ZNF717: variants seen among roughly 807,000 people sequenced by gnomAD.
ZNF717 encodes the protein zinc finger protein 717, also known as krueppel-like factor X17.
A neutral mutation model predicts 13.8 loss-of-function variants in ZNF717; 9 were observed. The observed-to-expected ratio is 0.65, with a 90% CI of 0.39 to 1.14. The LOEUF is 1.14. ZNF717 is among the 50% of genes most tolerant of loss of function. The pLI, the probability that ZNF717 is intolerant of heterozygous loss-of-function variation, is 0.01. For missense variants in ZNF717, 1,040 were observed against 1,080.7 expected (o/e 0.96, Z 0.53); for synonymous variants, 327 against 364.1 (o/e 0.90, Z 1.16).
chr3:75,720,064 T>C (rs1415577964), intron 4 of ZNF717, among the ~76,000 whole-genome samples: 6 of 151,996 alleles, frequency 3.9e-5, no homozygotes, highest in African/African-American at 1.4e-4. Flanking sequence ...AGAATGTAAA[T>C]TAGTTCAGCC....
downstream of ZNF717, among the ~76,000 whole-genome samples, chr3:75,709,244 C>A (rs1220862414): frequency 6.6e-6 from 1 of 152,050 alleles, no homozygotes; most frequent in Non-Finnish European, 1.5e-5. Context: ...TAGTATTCTG[C>A]CCAACTCAGC....
rs34827303 is a variant in ZNF717, at chr3:75,778,653, T to C, written c.57+4653A>G. On this transcript the variant is annotated intron_variant, in intron 2 of 4. Transcript: ENST00000652011. Reference sequence around the variant, plus strand: ...TTGCTAAAACCAGAACCCAAAACAATGGGAGTGACGTGCTAAACCAAAAAC... The same window carrying C: ...TTGCTAAAACCAGAACCCAAAACAACGGGAGTGACGTGCTAAACCAAAAAC... Among the ~76,000 whole-genome samples, 938 of 149,834 alleles carry C rather than the reference T, an allele frequency of 6.3e-3. 10 individuals carry two copies. Among genetic ancestry groups the C allele is most frequent in the Non-Finnish European group, 0.01 (677 of 67,658 alleles).
chr3:75,717,956 T>C (rs2106852992), intron 4 of ZNF717, among the ~76,000 whole-genome samples: 1 of 152,244 alleles, frequency 6.6e-6, no homozygotes, highest in East Asian at 1.9e-4. Context: ...TCAGTGCACG[T>C]AGTTTATTTG....
At position 75,737,594 on chromosome 3, in the gene ZNF717, C is replaced by A. The variant is rs1199744004; in HGVS notation, c.2029G>T (p.Val677Leu). The part of the protein sequence containing the change: ...RTHTGKNRMD[V>L]MNVEKLFVRN... Reference sequence around the variant, plus strand: ...ACAAAAAGTTTTTCCACATTCATTACATCCATACGGTTTTTCCCCGTGTGA... The same window carrying A: ...ACAAAAAGTTTTTCCACATTCATTAAATCCATACGGTTTTTCCCCGTGTGA... Residue 677 changes from valine to leucine, a missense_variant, in exon 5 of 5, where the codon GTA (valine) becomes TTA (leucine). By Grantham distance (32) the Val-to-Leu change is conservative. Around this residue, in one of 3 missense-constraint regions of ZNF717, gnomAD observed 873 missense variants for 832.8 expected, o/e 1.05. Transcript: ENST00000652011. 2.6e-6 allele frequency: 4 copies of A among 1,544,342 alleles called. No individual in the cohort carries two copies. Among genetic ancestry groups the A allele is most frequent in the Non-Finnish European group, 3.5e-6 (4 of 1,142,036 alleles).
At chr3:75,699,921 G>A (rs59077912) in intron 6 of ZNF717, among the ~76,000 whole-genome samples, 308 of 25,886 alleles carry the variant, frequency 0.012, no homozygotes, top group East Asian at 0.095. Flanking sequence ...ATCAAAATGT[G>A]TGGGAATTTA....
chr3:75,782,874 G>A lies in ZNF717; in HGVS notation c.57+432C>T, dbSNP rs80183633. ...GACCGTTTCCACTGCACAACATGCC[G>A]TGCTTTAGCAGAAGATGACCGTTTC... On this transcript the variant is annotated intron_variant, in intron 2 of 4. Coordinates refer to ENST00000652011, the MANE Select transcript of ZNF717 (RefSeq NM_001290208.3). Among the ~76,000 whole-genome samples the A allele has an allele frequency of 4.4e-4, 67 of 151,992 alleles. No homozygotes were observed. The South Asian group carries it at 1.0e-2, about 23-fold the overall frequency.
chr3:75,781,188 G>C (rs1944791559), intron 2 of ZNF717, among the ~76,000 whole-genome samples: 1 of 152,268 alleles, frequency 6.6e-6, no homozygotes, highest in East Asian at 1.9e-4. Context: ...CCTAACTTGA[G>C]AGTATGCACC....
intron 4 of ZNF717, 68 bp from the exon 5 acceptor site, chr3:75,739,413 TA>T (rs34781918): frequency 1.8e-5 from 22 of 1,199,078 alleles, no homozygotes; most frequent in South Asian, 5.3e-5. Flanking sequence ...TGTGTAAAGG[TA>T]AAAAAAATTA....
chr3:75,721,974 G>A (rs1166775377), intron 4 of ZNF717, among the ~76,000 whole-genome samples: 1 of 151,958 alleles, frequency 6.6e-6, no homozygotes, highest in Non-Finnish European at 1.5e-5. Flanking sequence ...TTTGCCGGGT[G>A]CGGTGGCTCA....
At chr3:75,729,017 T>A, downstream of ZNF717, among the ~76,000 whole-genome samples, 1 of 142,684 alleles carries the variant, frequency 7.0e-6, no homozygotes, top group Admixed American at 7.3e-5. Context: ...GGGTGAACAA[T>A]CAGATATGCA....
intron 5 of ZNF717, among the ~76,000 whole-genome samples, chr3:75,713,121 C>G (rs1319935028): frequency 6.6e-6 from 1 of 151,884 alleles, no homozygotes; most frequent in Non-Finnish European, 1.5e-5. Flanking sequence ...CCCCACCCCA[C>G]AAAAAGAATT....
rs111379598 is a variant in ZNF717, at chr3:75,700,813, T to C, written n.1085+10374A>G. ...TTAAAATGAAATAAAGACTTAAACA[T>C]AACATCTCAAACTATCAAATTTTTA... is the stretch of plus-strand genomic sequence containing the variant. On this transcript the variant is annotated intron_variant and non_coding_transcript_variant, in intron 6 of 6. Coordinates refer to the ZNF717 transcript ENST00000648506. 8.9e-3 allele frequency among the ~76,000 whole-genome samples: 1,357 copies of C among 152,274 alleles called. 1 individual carries two copies. The highest frequency in any genetic ancestry group is 0.014 in the Non-Finnish European group (962 of 67,938).
At chr3:75,784,500 A>G (rs1945031128) in intron 1 of ZNF717, among the ~76,000 whole-genome samples, 1 of 152,162 alleles carries the variant, frequency 6.6e-6, no homozygotes, top group African/African-American at 2.4e-5. Context: ...AATATATCTC[A>G]AACGCTGGAA....
At chr3:75,743,331 T>C (rs1468291382) in intron 2 of ZNF717, among the ~76,000 whole-genome samples, 6 of 152,224 alleles carry the variant, frequency 3.9e-5, no homozygotes, top group Non-Finnish European at 8.8e-5. Flanking sequence ...GACAATCATC[T>C]ATTTTTGTGG....
chr3:75,740,605 G>A (rs77425175), intron 4 of ZNF717, among the ~76,000 whole-genome samples: 4,380 of 80,616 alleles, frequency 0.054, no homozygotes, highest in Non-Finnish European at 0.073. Flanking sequence ...GGTTGTCTAC[G>A]AGGATCATTT....
intron 4 of ZNF717, among the ~76,000 whole-genome samples, chr3:75,723,248 CTTTTT>C (rs112455865): frequency 3.4e-5 from 3 of 88,656 alleles, no homozygotes; most frequent in South Asian, 8.0e-4. Flanking sequence ...GACAATCTCA[CTTTTT>C]TTTTTTTTTT....
chr3:75,775,144 A>G (rs1275820012), intron 2 of ZNF717, among the ~76,000 whole-genome samples: 4 of 151,196 alleles, frequency 2.6e-5, no homozygotes, highest in African/African-American at 9.7e-5. Flanking sequence ...TTTTATTTTT[A>G]ATAGGGACAG....
Position 75,770,044 on chromosome 3 carries a change from T to TA in ZNF717, c.57+13261_57+13262insT, listed in dbSNP as rs1943769701. On this transcript the variant is annotated intron_variant, in intron 2 of 4. Coordinates refer to ENST00000652011, the MANE Select transcript of ZNF717 (RefSeq NM_001290208.3). ...TCTTTATTGGCCCTTGTCAAACGTG[T>TA]CCCACTAACTCCTGAATGCTTTCTC... 2.0e-5 allele frequency among the ~76,000 whole-genome samples: 3 copies of TA among 152,314 alleles called. No individual in the cohort carries two copies. In the South Asian group the frequency reaches 6.2e-4, roughly 32 times the overall value.
chr3:75,738,337 T>C lies in ZNF717; in HGVS notation c.1286A>G (p.Glu429Gly), dbSNP rs1319759906. 1.6e-4 allele frequency: 244 copies of C among 1,533,860 alleles called. No individual in the cohort carries two copies. The Admixed American group carries it at 2.2e-3, about 14-fold the overall frequency. Residue 429 changes from glutamate to glycine, a missense_variant, in exon 5 of 5, where the codon GAA becomes GGA. Around this residue, in one of 3 missense-constraint regions of ZNF717, gnomAD observed 873 missense variants for 832.8 expected, o/e 1.05. Coordinates refer to ENST00000652011, the MANE Select transcript of ZNF717 (RefSeq NM_001290208.3). ...CCTTGACTTATGGCTAAATGCTTCT[T>C]CACAATGGTCACATGCATAGGGCTT... Reference protein sequence around the residue: ...GEKPYACDHCEEAFSHKSRLT... With the variant: ...GEKPYACDHCGEAFSHKSRLT...
Sources: gnomAD v4.1 joint callset for allele counts (sites outside exome capture counted in the v4.1 genomes callset) on GRCh38, gnomAD v4.1.1 for gene constraint, gnomAD v4.1.1 regional missense constraint, MANE v1.5 for transcripts, NCBI Gene and HGNC (gene_info 2026-07-23, HGNC 2026-07-21) for gene names.